UNC5C: variants seen among roughly 807,000 people sequenced by gnomAD.
UNC5C encodes the protein netrin receptor UNC5C.
In UNC5C, 47 loss-of-function variants were observed where a neutral mutation model predicts 99.8. The ratio of observed to expected loss-of-function variants is 0.47; its 90% CI spans 0.37 to 0.60. The LOEUF (loss-of-function observed/expected upper bound fraction) is 0.60. Among genes scored for constraint, UNC5C ranks in the 20% least tolerant of loss-of-function variants. UNC5C has a pLI of 0.00. For missense variants in UNC5C, 1,062 were observed against 1,165.9 expected (o/e 0.91, Z 1.30); for synonymous variants, 487 against 452.2 (o/e 1.08, Z -0.98).
At chr4:95,400,097 T>C (rs1398574414) in intron 1 of UNC5C, among the ~76,000 whole-genome samples, 1 of 152,218 alleles carries the variant, frequency 6.6e-6, no homozygotes, top group Admixed American at 6.5e-5. Context: ...TGGACAACAT[T>C]GTCACGGTGA....
At chr4:95,178,794 A>G (rs1205206294) in intron 14 of UNC5C, among the ~76,000 whole-genome samples, 1 of 152,204 alleles carries the variant, frequency 6.6e-6, no homozygotes, top group African/African-American at 2.4e-5. Flanking sequence ...TCAGCATTTC[A>G]TGTGGGCATT....
At chr4:95,396,511 G>A (rs1035870648) in intron 1 of UNC5C, among the ~76,000 whole-genome samples, 1 of 152,150 alleles carries the variant, frequency 6.6e-6, no homozygotes, top group African/African-American at 2.4e-5. Flanking sequence ...TTTCTAGGCA[G>A]ACAGGGATGG....
rs139799093 is a variant in UNC5C at position 95,192,183 on chromosome 4, CCTTT to C, written c.2137-6991_2137-6988del. Among the ~76,000 whole-genome samples the C allele has an allele frequency of 1.2e-3, 170 of 143,950 alleles. 1 individual carries two copies. The highest frequency in any genetic ancestry group is 4.2e-3 in the African/African-American group (162 of 38,492). The allele number at this position is 143,950 out of a possible 152,430, so 94.4% of individuals were successfully genotyped here. On this transcript the variant is annotated intron_variant, in intron 12 of 15. Transcript: ENST00000453304. ...ACCTTCTTCCCCTGCTCACCTCCTC[CCTTT>C]CTCATATCCTCCTCTACTCACCTCT...
intron 1 of UNC5C, among the ~76,000 whole-genome samples, chr4:95,459,023 T>C (rs960965609): frequency 1.3e-5 from 2 of 152,136 alleles, no homozygotes; most frequent in African/African-American, 2.4e-5. Flanking sequence ...TATGTGGATA[T>C]TACTAGTATC....
At chr4:95,355,622 A>T (rs1399207298) in intron 1 of UNC5C, among the ~76,000 whole-genome samples, 1 of 151,080 alleles carries the variant, frequency 6.6e-6, no homozygotes, top group African/African-American at 2.4e-5. Flanking sequence ...CCCCCCCAGC[A>T]TGAAACAGAG....
intron 1 of UNC5C, among the ~76,000 whole-genome samples, chr4:95,485,858 A>C (rs1223867440): frequency 6.6e-6 from 1 of 151,712 alleles, no homozygotes; most frequent in Non-Finnish European, 1.5e-5. Context: ...TATGAGTATT[A>C]ATAGTAACAC....
chr4:95,526,806 G>A (rs1722508374), intron 1 of UNC5C, among the ~76,000 whole-genome samples: 1 of 151,468 alleles, frequency 6.6e-6, no homozygotes. Flanking sequence ...CTACTCATGT[G>A]GATTGAAAAA....
chr4:95,438,539 A>C (rs1025566662), intron 1 of UNC5C, among the ~76,000 whole-genome samples: 5 of 152,134 alleles, frequency 3.3e-5, no homozygotes, highest in African/African-American at 9.6e-5. Context: ...GTTTGCAAAA[A>C]ATGTTTTTAG....
intron 1 of UNC5C, among the ~76,000 whole-genome samples, chr4:95,544,070 A>G (rs1722993532): frequency 6.6e-6 from 1 of 152,226 alleles, no homozygotes; most frequent in Admixed American, 6.5e-5. Context: ...TAGAATTGAA[A>G]GTCAAGGAAT....
chr4:95,445,298 C>G (rs184927744), intron 1 of UNC5C, among the ~76,000 whole-genome samples: 2 of 150,126 alleles, frequency 1.3e-5, no homozygotes, highest in Admixed American at 1.3e-4. Context: ...CCCTCCAACC[C>G]TTTTTTTCCT....
In UNC5C at chr4:95,545,742, C is replaced by A. The variant is rs909412335; in HGVS notation, c.124+2992G>T. ...AACCAGGAGGGTCCTAATTCAGAAG[C>A]ACACTGATCTCACACACACGCGCGC... On this transcript the variant is annotated intron_variant, in intron 1 of 15. Transcript: ENST00000453304. 5.3e-5 allele frequency among the ~76,000 whole-genome samples: 8 copies of A among 149,782 alleles called. No homozygotes were observed. In the South Asian group the frequency reaches 6.3e-4, roughly 12 times the overall value.
chr4:95,378,069 T>A (rs1457875134), intron 1 of UNC5C, among the ~76,000 whole-genome samples: 1 of 152,206 alleles, frequency 6.6e-6, no homozygotes, highest in Non-Finnish European at 1.5e-5. Context: ...TACATTTACC[T>A]ATGTCTAAAA....
chr4:95,405,279 C>T (rs550485428), intron 1 of UNC5C, among the ~76,000 whole-genome samples: 4 of 152,284 alleles, frequency 2.6e-5, no homozygotes, highest in South Asian at 2.1e-4. Flanking sequence ...GTACTCGCCC[C>T]GGCCTCTACA....
intron 1 of UNC5C, among the ~76,000 whole-genome samples, chr4:95,468,340 G>T (rs1235322118): frequency 6.6e-6 from 1 of 151,788 alleles, no homozygotes; most frequent in East Asian, 1.9e-4. Flanking sequence ...TTATTATCTG[G>T]CACTGGTTTG....
At chr4:95,246,023 T>A (rs1421264182) in intron 5 of UNC5C, among the ~76,000 whole-genome samples, 1 of 152,226 alleles carries the variant, frequency 6.6e-6, no homozygotes, top group South Asian at 2.1e-4. Context: ...AACACAAACC[T>A]TATATGTGCA....
At chr4:95,210,400 G>A (rs982526554) in intron 10 of UNC5C, among the ~76,000 whole-genome samples, 2 of 152,128 alleles carry the variant, frequency 1.3e-5, no homozygotes, top group African/African-American at 4.8e-5. Flanking sequence ...AAGGAGTTAC[G>A]CAGGATAAGA....
At chr4:95,441,733 C>T (rs894250541) in intron 1 of UNC5C, among the ~76,000 whole-genome samples, 1 of 152,138 alleles carries the variant, frequency 6.6e-6, no homozygotes, top group African/African-American at 2.4e-5. Context: ...AGACCTGTAT[C>T]ATTATCACTG....
At chr4:95,314,726 T>C (rs1468506933) in intron 2 of UNC5C, among the ~76,000 whole-genome samples, 2 of 152,218 alleles carry the variant, frequency 1.3e-5, no homozygotes, top group South Asian at 4.1e-4. Flanking sequence ...TATTCAAGGC[T>C]CTTCACAAAT....
At position 95,548,833 on chromosome 4, in the gene UNC5C, C is replaced by T. The variant is rs549704340; in HGVS notation, c.25G>A (p.Ala9Thr). 20 of 1,613,300 alleles carry T rather than the reference C, an allele frequency of 1.2e-5. No homozygotes were observed. The South Asian group carries it at 1.8e-4, about 14-fold the overall frequency. MRKGLRATAARCGLGLGYL... is the reference protein window; with the variant it reads MRKGLRATTARCGLGLGYL... ...CCCAGTCCCAGTCCGCAGCGGGCCG[C>T]TGTCGCCCGCAGACCTTTCCTCATC... Residue 9 changes from alanine (A) to threonine (T), a missense_variant, in exon 1 of 16, where the codon GCG (alanine) becomes ACG (threonine). Ala to Thr is a moderately conservative substitution (Grantham distance 58). This residue lies in a region of UNC5C where 249 missense variants were observed against 295.1 expected (regional missense o/e 0.84). Transcript: ENST00000453304.
Sources: allele counts gnomAD v4.1 joint callset (sites outside exome capture counted in the v4.1 genomes callset), GRCh38; gene constraint gnomAD v4.1.1; regional missense constraint gnomAD v4.1.1; transcripts MANE v1.5; gene names NCBI Gene and HGNC (gene_info 2026-07-23, HGNC 2026-07-21).